The following RBM47 variants were observed in gnomAD, a reference collection of about 807,000 sequenced individuals.
RBM47 encodes RNA-binding protein 47.
In RBM47, 21 loss-of-function variants were observed where a neutral mutation model predicts 47.1. The observed-to-expected ratio is 0.45, with a 90% CI of 0.32 to 0.64. The LOEUF is 0.64. Among genes scored for constraint, RBM47 ranks in the 30% least tolerant of loss-of-function variants. The pLI is 0.05. For synonymous variants in RBM47, 375 were observed against 361.7 expected, an observed-to-expected ratio of 1.04 and a Z score of -0.42; for missense variants, 708 against 870.9, an observed-to-expected ratio of 0.81 and a Z score of 2.35.
chr4:40,542,023 G>C (rs1290653933), intron 2 of RBM47, among the ~76,000 whole-genome samples: 1 of 152,180 alleles, frequency 6.6e-6, no homozygotes, highest in Non-Finnish European at 1.5e-5. Flanking sequence ...ACTAGAAGCT[G>C]ATTACCTTCC....
chr4:40,441,363 C>T (rs958388921), intron 3 of RBM47, among the ~76,000 whole-genome samples: 2 of 152,016 alleles, frequency 1.3e-5, no homozygotes, highest in Non-Finnish European at 2.9e-5. Flanking sequence ...AGTAATCCTC[C>T]TGCCTCAGCC....
intron 1 of RBM47, among the ~76,000 whole-genome samples, chr4:40,550,519 A>G (rs1015730498): frequency 4.6e-5 from 7 of 152,150 alleles, no homozygotes; most frequent in Admixed American, 1.3e-4. Flanking sequence ...CCTGGGTTCA[A>G]GTGATTCTCC....
chr4:40,494,376 G>A (rs1722292895), intron 2 of RBM47, among the ~76,000 whole-genome samples: 1 of 152,112 alleles, frequency 6.6e-6, no homozygotes, highest in East Asian at 1.9e-4. Flanking sequence ...GCTTCCCCTT[G>A]GTGAAAACAA....
intron 1 of RBM47, among the ~76,000 whole-genome samples, chr4:40,597,526 G>C (rs145183117): frequency 6.6e-6 from 1 of 152,192 alleles, no homozygotes; most frequent in African/African-American, 2.4e-5. Flanking sequence ...AGGTTGCAGT[G>C]AGGCGAGATC....
At chr4:40,630,091 T>C (rs1203852178), upstream of RBM47, 3 of 152,238 alleles carry the variant, frequency 2.0e-5, no homozygotes, top group African/African-American at 7.2e-5. Flanking sequence ...CCTGTTGTTT[T>C]TTAGGAGCGC....
At chr4:40,439,332 C>G (rs1713265853) in intron 3 of RBM47, among the ~76,000 whole-genome samples, 2 of 152,174 alleles carry the variant, frequency 1.3e-5, no homozygotes, top group Non-Finnish European at 2.9e-5. Context: ...TTGGTGAACA[C>G]AGCTTTCTTC....
intron 2 of RBM47, among the ~76,000 whole-genome samples, chr4:40,515,043 G>C (rs184680560): frequency 3.9e-5 from 6 of 152,296 alleles, no homozygotes; most frequent in African/African-American, 1.4e-4. Context: ...AACTCAAAAA[G>C]TGCTCATAAA....
At chr4:40,466,265 C>CAAAAAAAAA (rs55805915) in intron 3 of RBM47, among the ~76,000 whole-genome samples, 3 of 91,644 alleles carry the variant, frequency 3.3e-5, no homozygotes, top group Admixed American at 1.2e-4. Flanking sequence ...GAGACTGTCT[C>CAAAAAAAAA]AAAAAAAAAA....
rs552931945 is a variant in RBM47, at chr4:40,583,643, G to C, written c.-239-39137C>G. 2.0e-3 allele frequency among the ~76,000 whole-genome samples: 309 copies of C among 151,976 alleles called. 1 individual carries two copies. The highest frequency in any genetic ancestry group is 7.2e-3 in the African/African-American group (300 of 41,468). The stretch of plus-strand genomic sequence containing the variant: ...GGAGGCCGAGACGGGTGGATCATGA[G>C]GTCAGGAGATCGAGACCATCCTGGC... On this transcript the variant is annotated intron_variant, in intron 1 of 6. Transcript: ENST00000295971.
At chr4:40,464,419 TAAC>T (rs1170675656) in intron 3 of RBM47, among the ~76,000 whole-genome samples, 15 of 152,280 alleles carry the variant, frequency 9.9e-5, no homozygotes, top group South Asian at 4.1e-4. Context: ...AGTAAGAGAT[TAAC>T]AACAACAATA....
intron 2 of RBM47, among the ~76,000 whole-genome samples, chr4:40,513,515 T>C (rs1446769562): frequency 6.6e-6 from 1 of 152,186 alleles, no homozygotes; most frequent in African/African-American, 2.4e-5. Context: ...CAATTGATCA[T>C]ACATAAACAT....
intron 2 of RBM47, chr4:40,544,193 A>G (rs1728803280): frequency 6.6e-6 from 1 of 152,204 alleles, no homozygotes; most frequent in South Asian, 2.1e-4. Flanking sequence ...CACCTCTGTC[A>G]TTCTTTTTGG....
intron 1 of RBM47, among the ~76,000 whole-genome samples, chr4:40,604,714 TTTG>T (rs57799277): frequency 0.024 from 3,616 of 151,738 alleles, 164 homozygotes; most frequent in African/African-American, 0.082. Context: ...CACATGGCTC[TTTG>T]TTGTTGTTGT....
intron 2 of RBM47, among the ~76,000 whole-genome samples, chr4:40,527,191 T>C (rs1257444944): frequency 6.6e-6 from 1 of 152,064 alleles, no homozygotes; most frequent in Non-Finnish European, 1.5e-5. Context: ...GGTGTGATCT[T>C]GGCTCACTGC....
chr4:40,585,661 C>G (rs1223643062), intron 1 of RBM47, among the ~76,000 whole-genome samples: 1 of 152,124 alleles, frequency 6.6e-6, no homozygotes, highest in Non-Finnish European at 1.5e-5. Flanking sequence ...AAAACCAAAG[C>G]GAACCCAAGC....
intron 3 of RBM47, among the ~76,000 whole-genome samples, chr4:40,453,246 A>G (rs764348600): frequency 6.6e-6 from 1 of 152,230 alleles, no homozygotes; most frequent in Non-Finnish European, 1.5e-5. Context: ...AAAAAACCAT[A>G]TAAGATTGTT....
intron 2 of RBM47, among the ~76,000 whole-genome samples, chr4:40,483,123 A>G (rs1199856486): frequency 1.3e-5 from 2 of 152,236 alleles, no homozygotes; most frequent in African/African-American, 4.8e-5. Context: ...ATCAGTTTAG[A>G]CGGGATGCTA....
intron 3 of RBM47, among the ~76,000 whole-genome samples, chr4:40,464,093 T>C (rs1717586462): frequency 6.6e-6 from 1 of 152,186 alleles, no homozygotes; most frequent in South Asian, 2.1e-4. Context: ...TATAATACAA[T>C]GCAATGAACA....
intron 1 of RBM47, among the ~76,000 whole-genome samples, chr4:40,571,029 A>C (rs998139221): frequency 2.6e-5 from 4 of 152,056 alleles, no homozygotes; most frequent in Non-Finnish European, 5.9e-5. Flanking sequence ...CAGCCTGGCC[A>C]ACAAGGTGAA....
Sources: allele counts gnomAD v4.1 joint callset (sites outside exome capture counted in the v4.1 genomes callset), GRCh38; gene constraint gnomAD v4.1.1; transcripts MANE v1.5; gene names NCBI Gene and HGNC (gene_info 2026-07-23, HGNC 2026-07-21).